CCDC146: variants seen among roughly 807,000 people sequenced by gnomAD.
CCDC146 encodes coiled-coil domain-containing protein 146.
In CCDC146, 92 loss-of-function variants were observed where a neutral mutation model predicts 119.3. The ratio of observed to expected loss-of-function variants is 0.77; its 90% CI spans 0.65 to 0.92. CCDC146 has a LOEUF of 0.92. Among genes scored for constraint, CCDC146 ranks in the 40% least tolerant of loss-of-function variants. CCDC146 has a pLI of 0.00. For missense variants in CCDC146, 1,000 were observed against 1,103.0 expected (o/e 0.91, Z 1.32); for synonymous variants, 372 against 371.8 (o/e 1.00, Z -0.01).
At position 77,236,989 on chromosome 7, in the gene CCDC146, T is replaced by A; in HGVS notation, c.199T>A (p.Leu67Ile). The A allele has an allele frequency of 6.2e-7, 1 of 1,614,216 alleles. No individual in the cohort carries two copies. Among genetic ancestry groups the A allele is most frequent in the East Asian group, 2.2e-5 (1 of 44,892 alleles). Residue 67 changes from leucine (L) to isoleucine (I), a missense_variant, in exon 3 of 19, where the codon TTA (leucine) becomes ATA (isoleucine). Leu to Ile is a conservative substitution (Grantham distance 5). This residue lies in a region of CCDC146 where 985 missense variants were observed against 1,045.3 expected (regional missense o/e 0.94). Coordinates refer to ENST00000285871, the MANE Select transcript of CCDC146 (RefSeq NM_020879.3). ...ACTTCCTGGAACCAGAATGGCAGCG[T>A]TAAAAGCCAAGTATACCTTGCTGCA... ...GKLPGTRMAA[L>I]KAKYTLLHDA...
At chr7:77,258,494 T>C (rs1203747739) in intron 6 of CCDC146, among the ~76,000 whole-genome samples, 2 of 152,242 alleles carry the variant, frequency 1.3e-5, no homozygotes, top group Non-Finnish European at 2.9e-5. Context: ...CAGTATTGAA[T>C]AAATTACATT....
chr7:77,272,171 G>A (rs564767167), intron 9 of CCDC146, among the ~76,000 whole-genome samples: 171 of 152,292 alleles, frequency 1.1e-3, no homozygotes, highest in African/African-American at 3.9e-3. Flanking sequence ...TCTATACTGA[G>A]TTCTCCCTTT....
chr7:77,280,493 G>C lies in CCDC146; in HGVS notation c.1759G>C (p.Asp587His). 6.2e-7 allele frequency: 1 copy of C among 1,614,054 alleles called. No individual in the cohort carries two copies. The highest frequency in any genetic ancestry group is 8.5e-7 in the Non-Finnish European group (1 of 1,179,982). Residue 587 changes from aspartate to histidine, a missense_variant, in exon 14 of 19, where the codon GAT (aspartate) becomes CAT (histidine). Coordinates refer to ENST00000285871, the MANE Select transcript of CCDC146 (RefSeq NM_020879.3). ...NVTIRESMQN[D>H]VRKIVSKLQE... is the part of the protein sequence containing the mutation. ...TACCATCAGAGAGAGCATGCAAAAC[G>C]ATGTGCGCAAAATTGTATCAAAACT...
chr7:77,277,451 T>C (rs565838637), intron 11 of CCDC146, among the ~76,000 whole-genome samples: 1 of 152,334 alleles, frequency 6.6e-6, no homozygotes, highest in South Asian at 2.1e-4. Context: ...CAGAAATTGA[T>C]AAAGGACAAA....
At chr7:77,275,935 G>T (rs1793625473) in intron 11 of CCDC146, among the ~76,000 whole-genome samples, 1 of 152,108 alleles carries the variant, frequency 6.6e-6, no homozygotes, top group African/African-American at 2.4e-5. Context: ...GGCCAGGCAT[G>T]GTGACTCATG....
chr7:77,212,524 G>A (rs1792204766), intron 2 of CCDC146, among the ~76,000 whole-genome samples: 1 of 151,080 alleles, frequency 6.6e-6, no homozygotes, highest in South Asian at 2.1e-4. Flanking sequence ...CAGAGGCTGA[G>A]GCAAGAGAAT....
intron 1 of CCDC146, among the ~76,000 whole-genome samples, chr7:77,151,220 C>A (rs1052415055): frequency 2.0e-5 from 3 of 152,030 alleles, no homozygotes; most frequent in African/African-American, 7.3e-5. Flanking sequence ...ACCCACATGG[C>A]CTTCCACAGG....
intron 1 of CCDC146, among the ~76,000 whole-genome samples, chr7:77,149,875 C>G (rs574651204): frequency 5.0e-4 from 76 of 151,180 alleles, no homozygotes; most frequent in African/African-American, 1.6e-3. Flanking sequence ...ACATATGGAA[C>G]AGAATAGAGT....
intron 6 of CCDC146, 85 bp downstream of exon 6, chr7:77,256,594 G>C: frequency 9.4e-7 from 1 of 1,061,898 alleles, no homozygotes; most frequent in Non-Finnish European, 1.4e-6. Flanking sequence ...CAGCAGGTTG[G>C]ATAAAGAGGG....
intron 2 of CCDC146, among the ~76,000 whole-genome samples, chr7:77,223,465 A>G (rs1285666758): frequency 6.6e-6 from 1 of 151,666 alleles, no homozygotes; most frequent in Non-Finnish European, 1.5e-5. Context: ...AAGAAGGAAC[A>G]AACAGCTGTG....
chr7:77,280,597 G>A lies in CCDC146; in HGVS notation c.1863G>A (p.Glu621=), dbSNP rs151331255. ...RLANTITMIE[E]EMVQLRKRYE... ...CCAACACGATCACAATGATCGAAGA[G>A]GAGATGGTGCAGCTTCGCAAAAGAT... Residue 621 remains glutamate, a synonymous_variant, in exon 14 of 19, where the codon GAG becomes GAA. Coordinates refer to ENST00000285871, the MANE Select transcript of CCDC146 (RefSeq NM_020879.3). 1.8e-4 allele frequency: 284 copies of A among 1,613,978 alleles called. No individual in the cohort carries two copies. Among genetic ancestry groups the A allele is most frequent in the Non-Finnish European group, 1.9e-4 (229 of 1,180,008 alleles).
intron 6 of CCDC146, among the ~76,000 whole-genome samples, chr7:77,258,530 G>A (rs1385422963): frequency 6.6e-6 from 1 of 152,138 alleles, no homozygotes; most frequent in Non-Finnish European, 1.5e-5. Flanking sequence ...AATATGTTAT[G>A]TTTATTTACT....
chr7:77,164,899 A>T (rs1453999968), intron 1 of CCDC146, among the ~76,000 whole-genome samples: 1 of 152,220 alleles, frequency 6.6e-6, no homozygotes, highest in African/African-American at 2.4e-5. Context: ...TGAGATTGAC[A>T]TGAGAAATGA....
At chr7:77,209,338 G>A (rs1299310903) in intron 2 of CCDC146, among the ~76,000 whole-genome samples, 2 of 152,216 alleles carry the variant, frequency 1.3e-5, no homozygotes, top group African/African-American at 4.8e-5. Context: ...ACATTTTAAA[G>A]CTCCAAAAGA....
intron 4 of CCDC146, among the ~76,000 whole-genome samples, chr7:77,253,580 T>G (rs540928988): frequency 2.0e-5 from 3 of 152,248 alleles, no homozygotes; most frequent in Non-Finnish European, 4.4e-5. Context: ...TTATTCATAT[T>G]AATTTTTACT....
At position 77,199,470 on chromosome 7, in the gene CCDC146, G is replaced by T. The variant is rs760181116; in HGVS notation, c.156+31646G>T. 6.8e-6 allele frequency: 11 copies of T among 1,614,050 alleles called. No individual in the cohort carries two copies. In the South Asian group the frequency reaches 1.1e-4, roughly 16 times the overall value. On this transcript the variant is annotated intron_variant, in intron 2 of 18. Transcript: ENST00000285871. Reference sequence around the variant, plus strand: ...GTAACAACAGTCCGTTTCTGCCTGGGTCTCCGTTGTCATCAGCCTGCAGCT... The same window carrying T: ...GTAACAACAGTCCGTTTCTGCCTGGTTCTCCGTTGTCATCAGCCTGCAGCT...
intron 2 of CCDC146, among the ~76,000 whole-genome samples, chr7:77,217,542 T>G (rs1792322641): frequency 7.3e-6 from 1 of 136,210 alleles, no homozygotes; most frequent in Non-Finnish European, 1.7e-5. Flanking sequence ...CCCTGTTAAC[T>G]ATATATACAT....
intron 4 of CCDC146, among the ~76,000 whole-genome samples, chr7:77,248,843 T>C (rs561469421): frequency 4.6e-5 from 7 of 152,348 alleles, no homozygotes; most frequent in South Asian, 2.1e-4. Flanking sequence ...AATAAAAATA[T>C]AAACTTTTTT....
chr7:77,150,506 A>T (rs1389782978), intron 1 of CCDC146, among the ~76,000 whole-genome samples: 1 of 152,210 alleles, frequency 6.6e-6, no homozygotes, highest in African/African-American at 2.4e-5. Flanking sequence ...AAACCTTGAG[A>T]TACTAGTACA....
Sources: gnomAD v4.1 joint callset for allele counts (sites outside exome capture counted in the v4.1 genomes callset) on GRCh38, gnomAD v4.1.1 for gene constraint, gnomAD v4.1.1 regional missense constraint, MANE v1.5 for transcripts, NCBI Gene and HGNC (gene_info 2026-07-23, HGNC 2026-07-21) for gene names.